MTMR10: variants seen among roughly 807,000 people sequenced by gnomAD.
The protein encoded by MTMR10 is myotubularin-related protein 10.
MTMR10 carries 56 observed loss-of-function variants against 88.1 expected under a neutral mutation model. The ratio of observed to expected loss-of-function variants is 0.64; its 90% CI spans 0.51 to 0.79. MTMR10 has a LOEUF of 0.79. Among genes scored for constraint, MTMR10 ranks in the 30% least tolerant of loss-of-function variants. The pLI, the probability that MTMR10 is intolerant of heterozygous loss-of-function variation, is 0.00. For synonymous variants in MTMR10, 380 were observed against 340.9 expected, an observed-to-expected ratio of 1.11 and a Z score of -1.26; for missense variants, 883 against 924.7, an observed-to-expected ratio of 0.95 and a Z score of 0.58.
At chr15:30,952,939 G>A (rs1448664276) in intron 11 of MTMR10, among the ~76,000 whole-genome samples, 1 of 152,104 alleles carries the variant, frequency 6.6e-6, no homozygotes, top group Non-Finnish European at 1.5e-5. Flanking sequence ...ACAGGTGCGT[G>A]CCACCATGCT....
intron 15 of MTMR10, 28 bp from the exon 16 acceptor site, chr15:30,942,100 C>T (rs769789638): frequency 7.0e-6 from 11 of 1,578,812 alleles, no homozygotes; most frequent in Middle Eastern, 1.7e-4. Flanking sequence ...TATTATGTTC[C>T]GGGGATTCCC....
chr15:30,958,995 G>A (rs373192310), intron 8 of MTMR10, 39 bp downstream of exon 8: 14 of 1,613,056 alleles, frequency 8.7e-6, no homozygotes, highest in African/African-American at 1.3e-5. Flanking sequence ...TAGAAACAAT[G>A]GACGTCAGCA....
chr15:30,956,708 T>C (rs759181949), intron 9 of MTMR10, among the ~76,000 whole-genome samples: 1 of 152,176 alleles, frequency 6.6e-6, no homozygotes, highest in Admixed American at 6.5e-5. Context: ...TTATGAAGAA[T>C]AGGATAGCTG....
chr15:30,934,947 T>C (rs1487871376), downstream of MTMR10, among the ~76,000 whole-genome samples: 1 of 152,238 alleles, frequency 6.6e-6, no homozygotes, highest in Non-Finnish European at 1.5e-5. Flanking sequence ...AGTCTGTATT[T>C]ACTCATGTAC....
chr15:30,943,220 G>A, intron 14 of MTMR10, 148 bp from the exon 15 acceptor site: 2 of 1,400,028 alleles, frequency 1.4e-6, no homozygotes, highest in South Asian at 1.7e-5. Flanking sequence ...CTTCAAGAGA[G>A]GAGACGCTCC....
intron 3 of MTMR10, among the ~76,000 whole-genome samples, chr15:30,975,741 G>C (rs2030081840): frequency 6.6e-6 from 1 of 151,858 alleles, no homozygotes; most frequent in South Asian, 2.1e-4. Context: ...TAATAATTAT[G>C]GTAAATTAGT....
intron 14 of MTMR10, chr15:30,946,661 C>A: frequency 1.4e-6 from 1 of 690,468 alleles, no homozygotes; most frequent in South Asian, 1.5e-5. Context: ...AGAATGGTTT[C>A]AAGTTTGGCT....
At chr15:30,922,630 G>A in the MTMR10 span, among the ~76,000 whole-genome samples, 2,113 of 152,268 alleles carry the variant, frequency 0.014, 44 homozygotes, top group African/African-American at 0.048. Context: ...CAGGATCTAG[G>A]AATTAAGGGA....
chr15:30,961,647 C>T (rs978269964), intron 6 of MTMR10, among the ~76,000 whole-genome samples: 8 of 152,172 alleles, frequency 5.3e-5, no homozygotes, highest in Admixed American at 1.3e-4. Flanking sequence ...TGCCTTCAAA[C>T]GTAAACAGGT....
chr15:30,957,071 A>G (rs1439986415), intron 9 of MTMR10, among the ~76,000 whole-genome samples: 1 of 152,180 alleles, frequency 6.6e-6, no homozygotes. Flanking sequence ...TACAGTGGAA[A>G]AACCCTACAC....
intron 12 of MTMR10, among the ~76,000 whole-genome samples, chr15:30,951,632 T>C (rs1267413232): frequency 6.6e-6 from 1 of 152,102 alleles, no homozygotes; most frequent in African/African-American, 2.4e-5. Flanking sequence ...CCCGAGTAGC[T>C]GAGACTACAG....
the MTMR10 span, chr15:30,922,470 T>G: frequency 3.7e-6 from 4 of 1,086,788 alleles, no homozygotes; most frequent in African/African-American, 6.4e-5. Flanking sequence ...TTTCTTTTGT[T>G]AACATTCTTC....
chr15:30,948,987 T>C (rs539176856), intron 12 of MTMR10: 2 of 154,298 alleles, frequency 1.3e-5, no homozygotes, highest in South Asian at 2.0e-4. Context: ...AAGACAACTA[T>C]TGACCAATAT....
Position 30,959,051 on chromosome 15 carries a change from C to A in MTMR10, c.829G>T (p.Val277Phe), listed in dbSNP as rs1032688479. 3 of 1,613,280 alleles carry A rather than the reference C, an allele frequency of 1.9e-6. No homozygotes were observed. The South Asian group carries it at 3.3e-5, about 18-fold the overall frequency. Residue 277 changes from valine to phenylalanine, a missense_variant, in exon 8 of 16, where the codon GTT becomes TTT. By Grantham distance (50) the Val-to-Phe change is conservative. Coordinates refer to ENST00000435680, the MANE Select transcript of MTMR10 (RefSeq NM_017762.3). ...QDLKIFSHSF[V>F]GRRMPLWCWS... ...TCACTTACTGGCATCCTTCTCCCAA[C>A]AAAAGAATGGGAAAAGATCTTTAGA...
intron 10 of MTMR10, among the ~76,000 whole-genome samples, chr15:30,954,493 T>C (rs997132230): frequency 1.3e-5 from 2 of 152,204 alleles, no homozygotes; most frequent in Non-Finnish European, 2.9e-5. Context: ...ACTCAGCAAA[T>C]GCTTTTATAA....
chr15:30,942,117 G>A, intron 15 of MTMR10, 45 bp from the exon 16 acceptor site: 1 of 1,561,232 alleles, frequency 6.4e-7, no homozygotes, highest in Non-Finnish European at 8.7e-7. Flanking sequence ...TCCCTTTTTA[G>A]AAAGATTGAA....
chr15:30,944,694 T>C (rs1349762466), intron 14 of MTMR10, among the ~76,000 whole-genome samples: 3 of 152,084 alleles, frequency 2.0e-5, no homozygotes, highest in Non-Finnish European at 2.9e-5. Context: ...CGTGTTTTAA[T>C]GGCCCTTCAG....
At chr15:30,957,438 G>A (rs745879024) in intron 9 of MTMR10, among the ~76,000 whole-genome samples, 6 of 152,138 alleles carry the variant, frequency 3.9e-5, no homozygotes, top group Non-Finnish European at 8.8e-5. Context: ...TAAAGAATGA[G>A]TGAGCCGGGT....
intron 2 of MTMR10, among the ~76,000 whole-genome samples, chr15:30,981,492 A>G (rs763455363): frequency 2.0e-4 from 31 of 152,256 alleles, no homozygotes; most frequent in Admixed American, 1.6e-3. Context: ...TGCTTAATCA[A>G]AAGAAAACAT....
Sources: gnomAD v4.1 joint callset for allele counts (sites outside exome capture counted in the v4.1 genomes callset) on GRCh38, gnomAD v4.1.1 for gene constraint, MANE v1.5 for transcripts, NCBI Gene and HGNC (gene_info 2026-07-23, HGNC 2026-07-21) for gene names.